UBE3D: variants seen among roughly 807,000 people sequenced by gnomAD.
UBE3D encodes ubiquitin protein ligase E3D.
A neutral mutation model predicts 49.6 loss-of-function variants in UBE3D; 48 were observed. That is an observed-to-expected ratio of 0.97 (90% CI 0.77 to 1.23). The LOEUF (loss-of-function observed/expected upper bound fraction) is 1.23. UBE3D is among the 50% of genes most tolerant of loss of function. UBE3D has a pLI of 0.00. For synonymous variants in UBE3D, 189 were observed against 174.2 expected (o/e 1.08, Z -0.67); for missense variants, 452 against 468.4 (o/e 0.96, Z 0.32).
At chr6:83,045,850 T>G (rs1782989457) in intron 3 of UBE3D, among the ~76,000 whole-genome samples, 1 of 152,160 alleles carries the variant, frequency 6.6e-6, no homozygotes, top group Non-Finnish European at 1.5e-5. Context: ...TTTATGATAA[T>G]ACTTTGCATT....
intron 9 of UBE3D, among the ~76,000 whole-genome samples, chr6:82,940,363 G>A (rs1316776308): frequency 6.6e-6 from 1 of 152,218 alleles, no homozygotes; most frequent in African/African-American, 2.4e-5. Context: ...TTGTTTTGAG[G>A]AGAGAGATGG....
At chr6:82,882,830 C>T in the UBE3D span, among the ~76,000 whole-genome samples, 1 of 152,056 alleles carries the variant, frequency 6.6e-6, no homozygotes, top group African/African-American at 2.4e-5. Flanking sequence ...TATTCCTCAC[C>T]CTAGTTTCCT....
chr6:83,028,088 A>C (rs1781610699), intron 5 of UBE3D, among the ~76,000 whole-genome samples: 1 of 152,174 alleles, frequency 6.6e-6, no homozygotes. Context: ...CTTTTTAAGA[A>C]ATTTTATTGT....
chr6:83,043,293 A>G (rs1040685419), intron 4 of UBE3D, among the ~76,000 whole-genome samples: 1 of 152,050 alleles, frequency 6.6e-6, no homozygotes, highest in African/African-American at 2.4e-5. Context: ...CTTAATCATA[A>G]AGATGAAATT....
At chr6:82,984,101 CTT>C (rs1239987377) in intron 8 of UBE3D, among the ~76,000 whole-genome samples, 1 of 152,092 alleles carries the variant, frequency 6.6e-6, no homozygotes, top group Non-Finnish European at 1.5e-5. Context: ...TTATAAATAA[CTT>C]TATTTAAATC....
chr6:82,942,173 A>G (rs1775063569), intron 9 of UBE3D, among the ~76,000 whole-genome samples: 1 of 152,200 alleles, frequency 6.6e-6, no homozygotes, highest in East Asian at 1.9e-4. Context: ...TCAGATGGAG[A>G]TAAGAAACTT....
intron 9 of UBE3D, among the ~76,000 whole-genome samples, chr6:82,911,573 C>A (rs1001322567): frequency 6.6e-6 from 1 of 152,118 alleles, no homozygotes. Context: ...CCCATAGCAA[C>A]CTTTTAAACT....
At chr6:82,889,666 T>C (rs961721144), downstream of UBE3D, among the ~76,000 whole-genome samples, 4 of 152,178 alleles carry the variant, frequency 2.6e-5, no homozygotes, top group African/African-American at 9.7e-5. Flanking sequence ...CTTTGTCTTA[T>C]TGTGCTTTGC....
chr6:83,026,739 T>G (rs989004870), intron 5 of UBE3D, among the ~76,000 whole-genome samples: 1 of 152,054 alleles, frequency 6.6e-6, no homozygotes, highest in African/African-American at 2.4e-5. Context: ...TGTTGCCCAA[T>G]TAGGGTGCAG....
chr6:82,970,170 ATTT>A (rs1777244529), intron 8 of UBE3D, among the ~76,000 whole-genome samples: 9 of 149,862 alleles, frequency 6.0e-5, no homozygotes, highest in African/African-American at 1.9e-4. Flanking sequence ...AAAATTGATT[ATTT>A]ATTAAGGGTG....
At chr6:82,962,895 G>A (rs1356853720) in intron 8 of UBE3D, among the ~76,000 whole-genome samples, 2 of 152,112 alleles carry the variant, frequency 1.3e-5, no homozygotes, top group Non-Finnish European at 2.9e-5. Flanking sequence ...AATAATTTGA[G>A]CAATCTTATT....
chr6:83,025,882 TAAAAAAAAAA>T (rs70987730), intron 5 of UBE3D, among the ~76,000 whole-genome samples: 1 of 90,340 alleles, frequency 1.1e-5, no homozygotes, highest in Admixed American at 1.4e-4. Context: ...GACTCCATCT[TAAAAAAAAAA>T]AAAAAAAAAA....
At chr6:82,962,051 T>G (rs891175475) in intron 8 of UBE3D, among the ~76,000 whole-genome samples, 41 of 151,910 alleles carry the variant, frequency 2.7e-4, no homozygotes, top group African/African-American at 9.4e-4. Context: ...GGTAGTAAGA[T>G]AGACAATGAA....
intron 9 of UBE3D, among the ~76,000 whole-genome samples, chr6:82,928,871 G>A (rs1418605533): frequency 6.6e-6 from 1 of 152,086 alleles, no homozygotes; most frequent in Non-Finnish European, 1.5e-5. Context: ...ACTGTCTTAT[G>A]GAAATACTAT....
intron 8 of UBE3D, among the ~76,000 whole-genome samples, chr6:83,003,792 C>T (rs1779790968): frequency 6.6e-6 from 1 of 152,174 alleles, no homozygotes; most frequent in African/African-American, 2.4e-5. Context: ...TATATGCAGT[C>T]TGTCATTGCA....
At chr6:82,915,179 A>T (rs1772829258) in intron 9 of UBE3D, among the ~76,000 whole-genome samples, 1 of 152,192 alleles carries the variant, frequency 6.6e-6, no homozygotes, top group Non-Finnish European at 1.5e-5. Flanking sequence ...AAGCTTAGGA[A>T]GCAGTATATT....
chr6:83,016,634 T>C (rs1780718058), intron 8 of UBE3D, among the ~76,000 whole-genome samples: 1 of 151,460 alleles, frequency 6.6e-6, no homozygotes, highest in Non-Finnish European at 1.5e-5. Flanking sequence ...TTTATATATA[T>C]GCATATAAAT....
At chr6:82,895,487 C>T (rs1030699159) in intron 9 of UBE3D, among the ~76,000 whole-genome samples, 8 of 152,088 alleles carry the variant, frequency 5.3e-5, no homozygotes, top group Admixed American at 2.0e-4. Context: ...CAGGGACGTT[C>T]TCCTACAATG....
intron 9 of UBE3D, among the ~76,000 whole-genome samples, chr6:82,906,554 T>C (rs570811942): frequency 1.3e-5 from 2 of 152,310 alleles, no homozygotes; most frequent in African/African-American, 4.8e-5. Flanking sequence ...TCTTGTCTTG[T>C]ACATTTCTTA....
Sources: allele counts gnomAD v4.1 joint callset (sites outside exome capture counted in the v4.1 genomes callset), GRCh38; gene constraint gnomAD v4.1.1; transcripts MANE v1.5; gene names NCBI Gene and HGNC (gene_info 2026-07-23, HGNC 2026-07-21).